The following EFHC2 variants were observed in gnomAD, a reference collection of about 807,000 sequenced individuals.
EFHC2 encodes EF-hand domain-containing family member C2.
EFHC2 carries 18 observed loss-of-function variants against 52.7 expected under a neutral mutation model. That is an observed-to-expected ratio of 0.34 (90% confidence interval 0.24 to 0.51). The LOEUF is 0.51. Ranked by LOEUF, EFHC2 falls within the 20% of genes least tolerant of loss-of-function variation. The probability of loss-of-function intolerance (pLI) is 0.97; values close to 1 mark genes in which losing one functional copy is unlikely to be tolerated. For missense variants in EFHC2, 513 were observed against 562.5 expected, an observed-to-expected ratio of 0.91 and a Z score of 0.89; for synonymous variants, 203 against 204.1, an observed-to-expected ratio of 0.99 and a Z score of 0.04.
At chrX:44,150,533 C>T (rs2036562042) in intron 14 of EFHC2, among the ~76,000 whole-genome samples, 1 of 111,292 alleles carries the variant, frequency 9.0e-6, no homozygotes, top group African/African-American at 3.3e-5. Context: ...TAGGTCTTGG[C>T]CAGGGAAATG....
At chrX:44,252,749 C>T (rs2037461267) in intron 4 of EFHC2, among the ~76,000 whole-genome samples, 1 of 112,096 alleles carries the variant, frequency 8.9e-6, no homozygotes, top group African/African-American at 3.2e-5. Flanking sequence ...TGTTCCTACT[C>T]TGAAAGGAAA....
At chrX:44,258,441 A>C (rs1043330491) in intron 4 of EFHC2, among the ~76,000 whole-genome samples, 4 of 111,485 alleles carry the variant, frequency 3.6e-5, no homozygotes, top group African/African-American at 1.3e-4. Context: ...TTTACAAAAA[A>C]AAAAAAAATC....
chrX:44,156,789 A>T (rs1266837252), intron 14 of EFHC2, among the ~76,000 whole-genome samples: 5 of 112,750 alleles, frequency 4.4e-5, no homozygotes, highest in African/African-American at 1.6e-4. Flanking sequence ...TCTGAGATTA[A>T]CCAGACAGGC....
At chrX:44,174,237 C>T (rs1410249278) in intron 13 of EFHC2, among the ~76,000 whole-genome samples, 1 of 111,575 alleles carries the variant, frequency 9.0e-6, no homozygotes, top group Non-Finnish European at 1.9e-5. Flanking sequence ...GATAAGGAAT[C>T]TGAGGTTCAG....
intron 2 of EFHC2, among the ~76,000 whole-genome samples, chrX:44,280,961 C>G (rs1419427508): frequency 9.0e-6 from 1 of 111,336 alleles, no homozygotes; most frequent in Admixed American, 9.6e-5. Context: ...ACTCTGTCAC[C>G]CAGGCTGGAG....
rs771380900 is a variant in EFHC2 at position 44,164,881 on chromosome X, C to G, written c.2043-854G>C. Among the ~76,000 whole-genome samples, 3 of 111,507 alleles carry G rather than the reference C, an allele frequency of 2.7e-5. No homozygotes were observed. The South Asian group carries it at 1.1e-3, about 42-fold the overall frequency. ...TAATGAATCTCTTTGACCACTATTT[C>G]CTAATTATGGATATTAGATAAAATT... On this transcript the variant is annotated intron_variant, in intron 13 of 14. Coordinates refer to ENST00000420999, the MANE Select transcript of EFHC2 (RefSeq NM_025184.4).
chrX:44,183,567 C>A (rs2036851434), intron 11 of EFHC2, among the ~76,000 whole-genome samples: 1 of 111,975 alleles, frequency 8.9e-6, no homozygotes, highest in Non-Finnish European at 1.9e-5. Flanking sequence ...GAGAGTCCGA[C>A]ACAAATGTCT....
chrX:44,211,789 G>A (rs1163787827), intron 11 of EFHC2, among the ~76,000 whole-genome samples: 3 of 100,559 alleles, frequency 3.0e-5, no homozygotes, highest in Non-Finnish European at 4.0e-5. Flanking sequence ...CGAGAACGGC[G>A]TGAAGCCGGG....
At chrX:44,253,142 C>G (rs1174022326) in intron 4 of EFHC2, among the ~76,000 whole-genome samples, 1 of 111,443 alleles carries the variant, frequency 9.0e-6, no homozygotes, top group African/African-American at 3.3e-5. Context: ...ACCCTCAGAC[C>G]AGGAGATTCC....
chrX:44,224,131 A>G (rs1386231846), intron 11 of EFHC2, among the ~76,000 whole-genome samples: 1 of 112,025 alleles, frequency 8.9e-6, no homozygotes, highest in East Asian at 2.8e-4. Context: ...AAGTTTTTAG[A>G]GTTTCTCTTT....
chrX:44,230,039 A>T (rs1034810238), intron 10 of EFHC2, among the ~76,000 whole-genome samples: 31 of 111,376 alleles, frequency 2.8e-4, no homozygotes, highest in African/African-American at 1.0e-3. Flanking sequence ...CAGAGATCAG[A>T]AAACAACCCC....
At chrX:44,248,533 A>C in intron 6 of EFHC2, 123 bp from the exon 7 acceptor site, 1 of 868,296 alleles carries the variant, frequency 1.2e-6, no homozygotes, top group Non-Finnish European at 1.6e-6. Flanking sequence ...AAATTTTAAA[A>C]ATCAAATAAA....
intron 14 of EFHC2, among the ~76,000 whole-genome samples, chrX:44,152,846 T>TA (rs751564156): frequency 1.5e-3 from 173 of 111,837 alleles, no homozygotes; most frequent in Non-Finnish European, 2.4e-3. Context: ...TTACAAAACT[T>TA]ACAGCAATAT....
intron 4 of EFHC2, among the ~76,000 whole-genome samples, chrX:44,251,626 A>AAAAAAAAAAAAAAAAAAAAAAAAAT (rs2037450046): frequency 1.2e-5 from 1 of 83,223 alleles, no homozygotes; most frequent in Non-Finnish European, 2.3e-5. Flanking sequence ...AAAAAAAAAA[A>AAAAAAAAAAAAAAAAAAAAAAAAAT]AAAAAAAAAA....
At chrX:44,158,850 G>T (rs2036629277) in intron 14 of EFHC2, among the ~76,000 whole-genome samples, 1 of 112,028 alleles carries the variant, frequency 8.9e-6, no homozygotes, top group African/African-American at 3.2e-5. Context: ...ACAGTCAACA[G>T]GGGCTTCAAG....
intron 2 of EFHC2, chrX:44,285,288 G>A (rs769423017): frequency 1.8e-5 from 2 of 112,058 alleles, no homozygotes; most frequent in African/African-American, 6.5e-5. Context: ...GAGGAAGGCA[G>A]ATCCAAGAAT....
chrX:44,207,019 C>A (rs5953340), intron 11 of EFHC2, among the ~76,000 whole-genome samples: 2 of 110,087 alleles, frequency 1.8e-5, no homozygotes, highest in Admixed American at 9.6e-5. Context: ...TAGGCACGTA[C>A]TAATAGATCA....
Position 44,178,129 on chromosome X carries a change from T to TAACACACACACACACA in EFHC2, c.1949+237_1949+238insTGTGTGTGTGTGTGTT, listed in dbSNP as rs1556000435. ...CTGGGCGACAGGGCCAGATGCCATA[T>TAACACACACACACACA]CACACACACACACACACACACACAC... On this transcript the variant is annotated intron_variant, in intron 12 of 14. Transcript: ENST00000420999. Among the ~76,000 whole-genome samples the TAACACACACACACACA allele has an allele frequency of 2.1e-3, 179 of 83,951 alleles. 1 individual carries two copies. Among genetic ancestry groups the TAACACACACACACACA allele is most frequent in the African/African-American group, 7.8e-3 (168 of 21,407 alleles). The allele number at this position is 83,951 out of a possible 115,157, so 72.9% of individuals were successfully genotyped here. A position where few individuals can be genotyped will look rare whatever the true frequency, so the allele number is the denominator to read the frequency against.
chrX:44,268,258 T>C (rs1024327789), intron 3 of EFHC2, among the ~76,000 whole-genome samples: 17 of 111,285 alleles, frequency 1.5e-4, no homozygotes, highest in Non-Finnish European at 3.2e-4. Flanking sequence ...GATTTTCAAG[T>C]ACATCATTAT....
Sources: allele counts gnomAD v4.1 joint callset (sites outside exome capture counted in the v4.1 genomes callset), GRCh38; gene constraint gnomAD v4.1.1; transcripts MANE v1.5; gene names NCBI Gene and HGNC (gene_info 2026-07-23, HGNC 2026-07-21).